The following RAB3B variants were observed in gnomAD, a reference collection of about 807,000 sequenced individuals.
RAB3B encodes RAB3B, member RAS oncogene family.
A neutral mutation model predicts 20.5 loss-of-function variants in RAB3B; 11 were observed. The ratio of observed to expected loss-of-function variants is 0.54; its 90% CI spans 0.34 to 0.89. RAB3B has a LOEUF of 0.89. RAB3B is among the 40% of genes least tolerant of loss of function. The pLI, the probability that RAB3B is intolerant of heterozygous loss-of-function variation, is 0.02. For missense variants in RAB3B, 225 were observed against 280.9 expected (o/e 0.80, Z 1.42); for synonymous variants, 99 against 106.3 (o/e 0.93, Z 0.42).
At chr1:51,969,618 CTT>C (rs11340886) in intron 2 of RAB3B, among the ~76,000 whole-genome samples, 5 of 151,034 alleles carry the variant, frequency 3.3e-5, no homozygotes, top group Admixed American at 6.6e-5. Context: ...AGTAATAAGG[CTT>C]TTTTTTTTCC....
chr1:51,929,692 G>C (rs141487781), intron 4 of RAB3B, among the ~76,000 whole-genome samples: 78 of 152,246 alleles, frequency 5.1e-4, no homozygotes, highest in Non-Finnish European at 1.0e-3. Context: ...AACTCAAGTA[G>C]AACTTATCAC....
intron 1 of RAB3B, among the ~76,000 whole-genome samples, chr1:51,985,100 A>ATG (rs1297652686): frequency 6.6e-6 from 1 of 152,256 alleles, no homozygotes; most frequent in Non-Finnish European, 1.5e-5. Flanking sequence ...CCTACTTCAC[A>ATG]GAGCTTGGTA....
rs963287182 is a variant in RAB3B at position 51,911,860 on chromosome 1, A to G, written c.*8067T>C. The G allele has an allele frequency of 6.6e-6, 1 of 152,122 alleles. No individual in the cohort carries two copies. Among genetic ancestry groups the G allele is most frequent in the Non-Finnish European group, 1.5e-5 (1 of 68,024 alleles). 9.4% of individuals were successfully genotyped at this position (152,122 alleles called of 1,614,324 possible). ...CCCTGCTTGATCACATGCTCCGTTT[A>G]TTGACAGTCTTCACTAGAATCACCT... On this transcript the variant is annotated 3_prime_UTR_variant, in exon 5 of 5. Coordinates refer to ENST00000371655, the MANE Select transcript of RAB3B (RefSeq NM_002867.4).
rs61590258 is a variant in RAB3B, at chr1:51,912,542, T to TAAAAA, written c.*7380_*7384dup. 0.05 allele frequency: 317 copies of TAAAAA among 6,384 alleles called. 65 individuals carry two copies. The highest frequency in any genetic ancestry group is 0.058 in the African/African-American group (73 of 1,252). 0.4% of individuals were successfully genotyped at this position (6,384 alleles called of 1,614,324 possible). On this transcript the variant is annotated 3_prime_UTR_variant, in exon 5 of 5. Coordinates refer to ENST00000371655, the MANE Select transcript of RAB3B (RefSeq NM_002867.4). ...GGCAACATAGCAAGACCGTCTCTAT[T>TAAAAA]AAAAAAAAAAAAATATATATATATA...
chr1:51,974,237 G>A (rs981858327), intron 2 of RAB3B, among the ~76,000 whole-genome samples: 3 of 152,166 alleles, frequency 2.0e-5, no homozygotes, highest in Non-Finnish European at 4.4e-5. Flanking sequence ...AATAACACAA[G>A]TGAAAGCACC....
At chr1:51,970,470 G>A (rs1684913344) in intron 2 of RAB3B, among the ~76,000 whole-genome samples, 1 of 152,076 alleles carries the variant, frequency 6.6e-6, no homozygotes, top group African/African-American at 2.4e-5. Context: ...AGCTCTCAGG[G>A]ACCTTTGTGG....
rs888762147 is a variant in RAB3B at position 51,910,670 on chromosome 1, C to A, written c.*9257G>T. 1.3e-5 allele frequency: 2 copies of A among 152,140 alleles called. No homozygotes were observed. The highest frequency in any genetic ancestry group is 4.8e-5 in the African/African-American group (2 of 41,428). The allele number at this position is 152,140 out of a possible 1,614,324, so 9.4% of individuals were successfully genotyped here. A position where few individuals can be genotyped will look rare whatever the true frequency, so the allele number is the denominator to read the frequency against. ...AAAATCCTGTTTCCCCCTTGCAGAT[C>A]TTACAGAAAACAGCCACAGAATCCC... On this transcript the variant is annotated 3_prime_UTR_variant, in exon 5 of 5. Coordinates refer to ENST00000371655, the MANE Select transcript of RAB3B (RefSeq NM_002867.4).
At chr1:51,970,507 C>T (rs995193226) in intron 2 of RAB3B, among the ~76,000 whole-genome samples, 1 of 152,106 alleles carries the variant, frequency 6.6e-6, no homozygotes, top group African/African-American at 2.4e-5. Flanking sequence ...ATAAGGCACT[C>T]CCAAGACCCT....
At position 51,919,821 on chromosome 1, in the gene RAB3B, G is replaced by A; in HGVS notation, c.*106C>T. On this transcript the variant is annotated 3_prime_UTR_variant, in exon 5 of 5. Transcript: ENST00000371655. ...GCAACTCATCTTGCTCTGAGTGTGG[G>A]CAGTGTGTAACAGGGAGAGTGGGCT... The A allele has an allele frequency of 2.6e-6, 3 of 1,155,770 alleles. No individual in the cohort carries two copies. Among genetic ancestry groups the A allele is most frequent in the Non-Finnish European group, 2.4e-6 (2 of 826,378 alleles). The allele number at this position is 1,155,770 out of a possible 1,614,324, so 71.6% of individuals were successfully genotyped here.
intron 1 of RAB3B, chr1:51,980,953 C>T (rs936132928): frequency 6.2e-6 from 2 of 320,026 alleles, no homozygotes; most frequent in African/African-American, 2.2e-5. Context: ...TACATACTTA[C>T]GGAAAATAAT....
intron 2 of RAB3B, among the ~76,000 whole-genome samples, chr1:51,969,243 A>G (rs1684895977): frequency 6.6e-6 from 1 of 152,118 alleles, no homozygotes; most frequent in Non-Finnish European, 1.5e-5. Context: ...GCTGCAGTAA[A>G]CCATGAGCAT....
At chr1:51,934,323 G>C (rs1684366634) in intron 3 of RAB3B, among the ~76,000 whole-genome samples, 1 of 152,138 alleles carries the variant, frequency 6.6e-6, no homozygotes, top group Admixed American at 6.5e-5. Context: ...AACACCTTGA[G>C]GGGAGCCTCT....
At chr1:51,984,664 T>C (rs978506581) in intron 1 of RAB3B, among the ~76,000 whole-genome samples, 1 of 152,214 alleles carries the variant, frequency 6.6e-6, no homozygotes, top group East Asian at 1.9e-4. Flanking sequence ...GTTTTTCTAC[T>C]CTTAATTATT....
At chr1:51,938,442 C>G (rs185410262) in intron 2 of RAB3B, among the ~76,000 whole-genome samples, 21 of 152,084 alleles carry the variant, frequency 1.4e-4, no homozygotes, top group Admixed American at 3.9e-4. Flanking sequence ...ACAGTGAAAA[C>G]ATATCATCAA....
chr1:51,987,353 C>T (rs1400612510), intron 1 of RAB3B, among the ~76,000 whole-genome samples: 19 of 152,178 alleles, frequency 1.2e-4, no homozygotes, highest in Non-Finnish European at 1.5e-5. Context: ...ATCCTGTAAA[C>T]TTAGGCAAAT....
intron 2 of RAB3B, among the ~76,000 whole-genome samples, chr1:51,957,926 T>G (rs144847181): frequency 1.3e-5 from 2 of 152,204 alleles, no homozygotes; most frequent in Non-Finnish European, 2.9e-5. Flanking sequence ...GGGAGGCCGG[T>G]ATCCTGAGAG....
At chr1:51,965,250 G>T (rs1440798187) in intron 2 of RAB3B, among the ~76,000 whole-genome samples, 2 of 151,194 alleles carry the variant, frequency 1.3e-5, no homozygotes, top group Non-Finnish European at 2.9e-5. Context: ...AAAAAAGAAA[G>T]AAAGAAAGAT....
intron 3 of RAB3B, 26 bp downstream of exon 3, chr1:51,937,268 T>A: frequency 2.7e-6 from 4 of 1,508,456 alleles, no homozygotes; most frequent in Non-Finnish European, 3.7e-6. Flanking sequence ...GTTTGTTAAA[T>A]GAATGAATGA....
At chr1:51,987,984 C>T (rs772131606) in intron 1 of RAB3B, among the ~76,000 whole-genome samples, 2 of 152,042 alleles carry the variant, frequency 1.3e-5, no homozygotes, top group Non-Finnish European at 2.9e-5. Flanking sequence ...CTCAAGCGAT[C>T]CTCCTACCTC....
Sources: allele counts gnomAD v4.1 joint callset (sites outside exome capture counted in the v4.1 genomes callset), GRCh38; gene constraint gnomAD v4.1.1; transcripts MANE v1.5; gene names NCBI Gene and HGNC (gene_info 2026-07-23, HGNC 2026-07-21).